CTNNA2: variants seen among roughly 807,000 people sequenced by gnomAD.
CTNNA2 encodes catenin alpha-2.
In CTNNA2, 42 loss-of-function variants were observed where a neutral mutation model predicts 101.0. That is an observed-to-expected ratio of 0.42 (90% CI 0.32 to 0.54). CTNNA2 has a LOEUF of 0.54. Ranked by LOEUF, CTNNA2 falls within the 20% of genes least tolerant of loss-of-function variation. The pLI is 0.14. For synonymous variants in CTNNA2, 450 were observed against 456.4 expected (o/e 0.99, Z 0.18); for missense variants, 871 against 1,223.1 (o/e 0.71, Z 4.29).
chr2:80,137,891 T>A (rs570354751), intron 7 of CTNNA2, among the ~76,000 whole-genome samples: 82 of 152,200 alleles, frequency 5.4e-4, no homozygotes, highest in Non-Finnish European at 8.4e-4. Flanking sequence ...TCTCAAACTG[T>A]TTTGCTGGGG....
intron 3 of CTNNA2, among the ~76,000 whole-genome samples, chr2:79,340,564 T>C (rs950619338): frequency 6.6e-6 from 1 of 152,160 alleles, no homozygotes; most frequent in African/African-American, 2.4e-5. Context: ...CCGGGCGTGG[T>C]GGCTCACGCC....
chr2:79,303,999 A>G (rs1388672026), intron 2 of CTNNA2, among the ~76,000 whole-genome samples: 2 of 152,162 alleles, frequency 1.3e-5, no homozygotes, highest in Non-Finnish European at 2.9e-5. Context: ...GTCTGAGCTC[A>G]GTAGAGTATG....
intron 4 of CTNNA2, among the ~76,000 whole-genome samples, chr2:79,475,327 C>A: frequency 6.6e-6 from 1 of 152,010 alleles, no homozygotes; most frequent in Non-Finnish European, 1.5e-5. Flanking sequence ...ATAGAAATAG[C>A]AATTTTTCCC....
chr2:80,592,212 C>G (rs1696574134), intron 15 of CTNNA2, among the ~76,000 whole-genome samples: 1 of 152,066 alleles, frequency 6.6e-6, no homozygotes, highest in Non-Finnish European at 1.5e-5. Context: ...ATCATATAAT[C>G]ATTCTATATT....
At chr2:79,465,831 T>G (rs1446729655) in intron 4 of CTNNA2, among the ~76,000 whole-genome samples, 1 of 152,232 alleles carries the variant, frequency 6.6e-6, no homozygotes, top group Non-Finnish European at 1.5e-5. Flanking sequence ...ACATTGATTT[T>G]GTATCCTGAG....
At chr2:80,501,277 C>T (rs968406653) in intron 9 of CTNNA2, among the ~76,000 whole-genome samples, 4 of 152,198 alleles carry the variant, frequency 2.6e-5, no homozygotes, top group African/African-American at 9.6e-5. Context: ...AAGAGAATAA[C>T]TTGAGCCTGC....
intron 7 of CTNNA2, among the ~76,000 whole-genome samples, chr2:80,269,840 G>C (rs1673319459): frequency 6.6e-6 from 1 of 151,976 alleles, no homozygotes; most frequent in Non-Finnish European, 1.5e-5. Context: ...AAATAACTGT[G>C]TTATTTATGA....
chr2:80,330,617 A>G (rs946990244), intron 7 of CTNNA2, among the ~76,000 whole-genome samples: 1 of 152,124 alleles, frequency 6.6e-6, no homozygotes, highest in Non-Finnish European at 1.5e-5. Flanking sequence ...GTGACAAATT[A>G]TCACATAAAG....
intron 2 of CTNNA2, among the ~76,000 whole-genome samples, chr2:79,732,115 C>A (rs575969622): frequency 8.5e-5 from 13 of 152,150 alleles, no homozygotes; most frequent in African/African-American, 3.1e-4. Flanking sequence ...TTTGAAATTT[C>A]ATTCTCAATA....
rs564027031 is a variant in CTNNA2 at position 80,593,743 on chromosome 2, G to A, written c.2189+4258G>A. Reference sequence around the variant, plus strand: ...CACAATATTTGTCCTTTTGTGACTGGCTTATTTCATTTAGCATAATGTCTT... The same window carrying A: ...CACAATATTTGTCCTTTTGTGACTGACTTATTTCATTTAGCATAATGTCTT... On this transcript the variant is annotated intron_variant, in intron 15 of 18. Transcript: ENST00000402739. Among the ~76,000 whole-genome samples the A allele has an allele frequency of 2.0e-4, 31 of 152,194 alleles. 1 individual carries two copies. The South Asian group carries it at 6.4e-3, about 32-fold the overall frequency.
intron 3 of CTNNA2, among the ~76,000 whole-genome samples, chr2:79,817,370 A>G (rs1677603991): frequency 7.8e-6 from 1 of 127,738 alleles, no homozygotes; most frequent in Non-Finnish European, 1.6e-5. Flanking sequence ...ATCAGTGACT[A>G]AATGTGGTCA....
chr2:79,756,623 G>A (rs1672418855), intron 3 of CTNNA2, among the ~76,000 whole-genome samples: 1 of 152,044 alleles, frequency 6.6e-6, no homozygotes, highest in African/African-American at 2.4e-5. Flanking sequence ...ATAATACTAA[G>A]AGAATATAAA....
At chr2:79,287,359 C>T (rs868680807) in intron 2 of CTNNA2, among the ~76,000 whole-genome samples, 33 of 152,294 alleles carry the variant, frequency 2.2e-4, no homozygotes, top group Admixed American at 5.2e-4. Flanking sequence ...AGTTTTTCTG[C>T]TCTGTTTTTT....
At chr2:79,334,945 T>A (rs1676961139) in intron 3 of CTNNA2, among the ~76,000 whole-genome samples, 1 of 152,168 alleles carries the variant, frequency 6.6e-6, no homozygotes, top group East Asian at 1.9e-4. Context: ...GATACTGAAC[T>A]AGGCCCTCTC....
At chr2:80,318,875 T>C (rs1446924325) in intron 7 of CTNNA2, among the ~76,000 whole-genome samples, 10 of 152,270 alleles carry the variant, frequency 6.6e-5, no homozygotes, top group African/African-American at 2.4e-4. Flanking sequence ...ATTTCAGCCT[T>C]CTTAGGGTGC....
At chr2:80,462,652 T>TTTTTG (rs1684536456) in intron 9 of CTNNA2, among the ~76,000 whole-genome samples, 1 of 146,904 alleles carries the variant, frequency 6.8e-6, no homozygotes, top group Non-Finnish European at 1.5e-5. Context: ...TTTTTTTTTT[T>TTTTTG]GACGAATAAA....
chr2:80,023,497 A>G (rs1694717667), intron 7 of CTNNA2, among the ~76,000 whole-genome samples: 1 of 152,152 alleles, frequency 6.6e-6, no homozygotes, highest in African/African-American at 2.4e-5. Context: ...ACAGCAGGCA[A>G]TCCCTTTCTG....
intron 11 of CTNNA2, among the ~76,000 whole-genome samples, chr2:80,554,468 A>G (rs887837964): frequency 6.6e-6 from 1 of 152,174 alleles, no homozygotes; most frequent in African/African-American, 2.4e-5. Flanking sequence ...CTTATAATCA[A>G]TAGAAATTTA....
chr2:80,336,840 T>C (rs1007827702), intron 7 of CTNNA2, among the ~76,000 whole-genome samples: 2 of 152,196 alleles, frequency 1.3e-5, no homozygotes, highest in Non-Finnish European at 2.9e-5. Context: ...AAGTTTTAAT[T>C]CATGCAAGAT....
Sources: gnomAD v4.1 joint callset for allele counts (sites outside exome capture counted in the v4.1 genomes callset) on GRCh38, gnomAD v4.1.1 for gene constraint, MANE v1.5 for transcripts, NCBI Gene and HGNC (gene_info 2026-07-23, HGNC 2026-07-21) for gene names.